Variants in EXPH5 observed in about 807,000 individuals in gnomAD.
EXPH5 encodes the protein exophilin 5.
A neutral mutation model predicts 41.1 loss-of-function variants in EXPH5; 42 were observed. The ratio of observed to expected loss-of-function variants is 1.02; its 90% CI spans 0.80 to 1.32. The LOEUF is 1.32. Ranked by LOEUF, EXPH5 falls within the 40% of genes most tolerant of loss-of-function variation. The probability of loss-of-function intolerance (pLI) is 0.00; values close to 1 mark genes in which losing one functional copy is unlikely to be tolerated. For missense variants in EXPH5, 2,298 were observed against 2,314.5 expected (o/e 0.99, Z 0.15); for synonymous variants, 798 against 833.5 (o/e 0.96, Z 0.73).
chr11:108,515,183 CT>C (rs1463779213), intron 5 of EXPH5, among the ~76,000 whole-genome samples: 1 of 151,794 alleles, frequency 6.6e-6, no homozygotes, highest in Non-Finnish European at 1.5e-5. Flanking sequence ...TTTAGTGCAT[CT>C]AAAGTGTATT....
chr11:108,543,009 G>A (rs563266340), intron 1 of EXPH5, among the ~76,000 whole-genome samples: 2 of 152,036 alleles, frequency 1.3e-5, no homozygotes, highest in Non-Finnish European at 2.9e-5. Context: ...ATCAGCCACC[G>A]CACCCTGCAG....
At chr11:108,532,494 C>T (rs1337215712) in intron 3 of EXPH5, among the ~76,000 whole-genome samples, 1 of 144,386 alleles carries the variant, frequency 6.9e-6, no homozygotes, top group East Asian at 2.1e-4. Context: ...GGATTACAGG[C>T]GTGAGCCATC....
chr11:108,581,920 AAC>A (rs1300696518), intron 1 of EXPH5, among the ~76,000 whole-genome samples: 1 of 152,158 alleles, frequency 6.6e-6, no homozygotes, highest in Admixed American at 6.5e-5. Context: ...TTTCTCAAAA[AAC>A]ACGCACTGTC....
At position 108,562,679 on chromosome 11, in the gene EXPH5, G is replaced by A. The variant is rs182394900; in HGVS notation, c.120-20867C>T. 6.2e-3 allele frequency among the ~76,000 whole-genome samples: 944 copies of A among 151,434 alleles called. 4 individuals carry two copies. Among genetic ancestry groups the A allele is most frequent in the Non-Finnish European group, 8.8e-3 (595 of 67,778 alleles). ...TTGGAAATTAAAGAAAAAACTTGAA[G>A]GGGCCGGGCATGGTGGCTCACACCT... is the stretch of plus-strand genomic sequence containing the variant. On this transcript the variant is annotated intron_variant, in intron 1 of 5. Coordinates refer to ENST00000265843, the MANE Select transcript of EXPH5 (RefSeq NM_015065.3).
the EXPH5 span, among the ~76,000 whole-genome samples, chr11:108,602,780 CAATACTTACTGCA>C: frequency 6.6e-6 from 1 of 152,176 alleles, no homozygotes; most frequent in South Asian, 2.1e-4. Context: ...AATAGAAACC[CAATACTTACTGCA>C]AATACTATGC....
At chr11:108,563,317 G>T (rs1472456660) in intron 1 of EXPH5, among the ~76,000 whole-genome samples, 1 of 152,186 alleles carries the variant, frequency 6.6e-6, no homozygotes, top group Non-Finnish European at 1.5e-5. Flanking sequence ...CTCATTTCCA[G>T]GGTTTCTCAA....
intron 1 of EXPH5, among the ~76,000 whole-genome samples, chr11:108,569,983 G>A (rs1019030753): frequency 2.6e-5 from 4 of 152,204 alleles, no homozygotes; most frequent in African/African-American, 4.8e-5. Context: ...TAAAATTGCA[G>A]TGCTACTCCC....
intron 4 of EXPH5, among the ~76,000 whole-genome samples, chr11:108,521,079 C>G (rs1464214219): frequency 1.3e-5 from 2 of 152,178 alleles, no homozygotes; most frequent in African/African-American, 4.8e-5. Context: ...CACTCATCCA[C>G]TTCCCTTTCC....
the EXPH5 span, among the ~76,000 whole-genome samples, chr11:108,605,123 C>T: frequency 0.6 from 91,016 of 152,018 alleles, 28,098 homozygotes; most frequent in East Asian, 0.71. Flanking sequence ...AACCAATGAT[C>T]CCCAAAGTTC....
Position 108,511,008 on chromosome 11 carries a change from A to AG in EXPH5, c.4498dup (p.Leu1500ProfsTer17). 6.2e-7 allele frequency: 1 copy of AG among 1,614,192 alleles called. No homozygotes were observed. The highest frequency in any genetic ancestry group is 8.5e-7 in the Non-Finnish European group (1 of 1,180,028). On this transcript the variant is annotated frameshift_variant, in exon 6 of 6. Coordinates refer to ENST00000265843, the MANE Select transcript of EXPH5 (RefSeq NM_015065.3). LOFTEE classifies it low-confidence loss of function (END_TRUNC). ...AAAGACTTGACTCTCTGAGTGAGAA[A>AG]GTGTTTTATTAGTCATTTTTTGGCA...
chr11:108,542,168 C>T (rs747211688), intron 1 of EXPH5, among the ~76,000 whole-genome samples: 24 of 152,262 alleles, frequency 1.6e-4, no homozygotes, highest in Non-Finnish European at 2.6e-4. Flanking sequence ...GAGTGAGCCA[C>T]CTGGCCCAGC....
chr11:108,578,958 C>T (rs1296907378), intron 1 of EXPH5, among the ~76,000 whole-genome samples: 1 of 152,114 alleles, frequency 6.6e-6, no homozygotes, highest in African/African-American at 2.4e-5. Flanking sequence ...AAAACAAGAA[C>T]AATGATTTCT....
chr11:108,541,574 G>A, intron 2 of EXPH5, 78 bp downstream of exon 2: 1 of 872,510 alleles, frequency 1.1e-6, no homozygotes, highest in African/African-American at 1.7e-5. Context: ...TTACATTGGA[G>A]ATCCACTGGG....
chr11:108,582,772 C>T (rs1277769923), intron 1 of EXPH5, among the ~76,000 whole-genome samples: 2 of 152,210 alleles, frequency 1.3e-5, no homozygotes, highest in African/African-American at 2.4e-5. Context: ...CTGTTCCAGG[C>T]CTCTCTCCTA....
At chr11:108,532,398 A>G (rs1201858529) in intron 3 of EXPH5, among the ~76,000 whole-genome samples, 1 of 43,224 alleles carries the variant, frequency 2.3e-5, no homozygotes, top group Admixed American at 2.9e-4. Flanking sequence ...TTTTTTTTGT[A>G]GAGATGGGGT....
chr11:108,546,689 T>A (rs2093939691), intron 1 of EXPH5, among the ~76,000 whole-genome samples: 1 of 152,218 alleles, frequency 6.6e-6, no homozygotes, highest in Non-Finnish European at 1.5e-5. Context: ...TTGCATAATA[T>A]TCAAGCTAGT....
intron 1 of EXPH5, among the ~76,000 whole-genome samples, chr11:108,567,084 CTA>C (rs1172897805): frequency 6.6e-6 from 1 of 152,184 alleles, no homozygotes; most frequent in African/African-American, 2.4e-5. Flanking sequence ...ATCTCACTCT[CTA>C]TGTGCAAGGT....
intron 1 of EXPH5, among the ~76,000 whole-genome samples, chr11:108,582,325 C>T (rs2094100918): frequency 6.6e-6 from 1 of 151,930 alleles, no homozygotes; most frequent in Admixed American, 6.5e-5. Context: ...GTTAGCTGGG[C>T]GTGGTGGCAC....
In EXPH5 at chr11:108,514,545, A is replaced by G; in HGVS notation, c.962T>C (p.Leu321Pro). The change falls in exon 6 of 6, where the codon CTG becomes CCG. Residue 321 changes from leucine to proline, a missense_variant. Physicochemically the swap from Leu to Pro is moderately conservative, Grantham distance 98 (BLOSUM62 -3). Transcript: ENST00000265843. ...VQKNTFGSTSLCFDSRQRSAL... is the reference protein window; with the variant it reads ...VQKNTFGSTSPCFDSRQRSAL... ...CGACCGTTGCCTGCTGTCAAAACAC[A>G]GCGAAGTACTGCCAAAAGTATTCTT... The G allele has an allele frequency of 6.2e-7, 1 of 1,613,952 alleles. No homozygotes were observed. The highest frequency in any genetic ancestry group is 1.1e-5 in the South Asian group (1 of 91,018).
Sources: allele counts gnomAD v4.1 joint callset (sites outside exome capture counted in the v4.1 genomes callset), GRCh38; gene constraint gnomAD v4.1.1; transcripts MANE v1.5; gene names NCBI Gene and HGNC (gene_info 2026-07-23, HGNC 2026-07-21).